The following TFR2 variants were observed in gnomAD, a reference collection of about 807,000 sequenced individuals.
TFR2 encodes transferrin receptor protein 2.
In TFR2, 64 loss-of-function variants were observed where a neutral mutation model predicts 91.9. That is an observed-to-expected ratio of 0.70 (90% CI 0.57 to 0.86). The LOEUF (loss-of-function observed/expected upper bound fraction) is 0.86. Ranked by LOEUF, TFR2 falls within the 40% of genes least tolerant of loss-of-function variation. TFR2 has a pLI of 0.00. For missense variants in TFR2, 950 were observed against 1,080.5 expected (o/e 0.88, Z 1.69); for synonymous variants, 454 against 459.6 (o/e 0.99, Z 0.15).
Position 100,631,913 on chromosome 7 carries a change from A to T in TFR2, c.999T>A (p.Pro333=). 1 of 1,614,074 alleles carries T rather than the reference A, an allele frequency of 6.2e-7. No individual in the cohort carries two copies. The highest frequency in any genetic ancestry group is 8.5e-7 in the Non-Finnish European group (1 of 1,180,000). ...GGGTTTGATTGAAGGAAGGGAAGCC[A>T]GGTGTGTAGGGGTCTCCAGTTCCCA... ...VHLGTGDPYT[P]GFPSFNQTQF... Residue 333 remains proline, a synonymous_variant, in exon 8 of 18, where the codon CCT becomes CCA. Coordinates refer to ENST00000223051, the MANE Select transcript of TFR2 (RefSeq NM_003227.4).
intron 10 of TFR2, 96 bp downstream of exon 10, chr7:100,629,157 C>T: frequency 7.3e-6 from 11 of 1,515,862 alleles, no homozygotes; most frequent in Non-Finnish European, 9.1e-6. Context: ...TGACCACTGG[C>T]CAGTCTGTGT....
Position 100,620,922 on chromosome 7 carries a change from A to G in TFR2, c.2341T>C (p.Trp781Arg). The G allele has an allele frequency of 6.8e-6, 11 of 1,614,166 alleles. No individual in the cohort carries two copies. Among genetic ancestry groups the G allele is most frequent in the Non-Finnish European group, 9.3e-6 (11 of 1,179,976 alleles). ...RFRRQLALLTWTLQGAANALS... is the reference protein window; with the variant it reads ...RFRRQLALLTRTLQGAANALS... Reference sequence around the variant, plus strand: ...GCATTGGCTGCCCCTTGCAGCGTCCAGGTGAGCAGGGCTAGCTGACGCCGG... The same window carrying G: ...GCATTGGCTGCCCCTTGCAGCGTCCGGGTGAGCAGGGCTAGCTGACGCCGG... The change falls in exon 18 of 18, where the codon TGG (tryptophan) becomes CGG (arginine). Residue 781 changes from tryptophan to arginine, a missense_variant. Transcript: ENST00000223051.
In TFR2 at chr7:100,640,956, G is replaced by C. The variant is rs2131327656; in HGVS notation, c.286+20C>G. ...CCCCAGCCCAAGCCCTTCACTTCTG[G>C]GGAGGGGGACGGCTCTCACCCCCAG... On this transcript the variant is annotated intron_variant, in intron 2 of 17. Transcript: ENST00000223051. 15 of 1,612,966 alleles carry C rather than the reference G, an allele frequency of 9.3e-6. No homozygotes were observed. The highest frequency in any genetic ancestry group is 8.9e-5 in the East Asian group (4 of 44,856).
chr7:100,626,389 C>A, intron 17 of TFR2: 1 of 915,622 alleles, frequency 1.1e-6, no homozygotes, highest in South Asian at 5.0e-5. Context: ...CAGCCTGTAA[C>A]CTCGTATTGT....
In TFR2 at chr7:100,626,819, T is replaced by C. The variant is rs1318374782; in HGVS notation, c.2080A>G (p.Ser694Gly). The C allele has an allele frequency of 1.3e-6, 2 of 1,549,522 alleles. 1 individual carries two copies. Among genetic ancestry groups the C allele is most frequent in the South Asian group, 2.4e-5 (2 of 84,058 alleles). ...AGTCGCTCGTCTCTCTCCTCCGAGC[T>C]GTAGATCTCCTGCCGCAGCTTTTCC... ...AAEKLRQEIY[S>G]SEERDERLTR... is the part of the protein sequence containing the mutation. Residue 694 changes from serine to glycine, a missense_variant, in exon 17 of 18, where the codon AGC (serine) becomes GGC (glycine). Coordinates refer to ENST00000223051, the MANE Select transcript of TFR2 (RefSeq NM_003227.4).
rs2131316917 is a variant in TFR2, at chr7:100,630,880, A to G, written c.1270+9T>C. On this transcript the variant is annotated intron_variant, in intron 9 of 17. Coordinates refer to ENST00000223051, the MANE Select transcript of TFR2 (RefSeq NM_003227.4). ...ACCAGCTGTGAGTGATACTGGACAC[A>G]CAGCATACCTGGCTCTGAGCGGCCT... The G allele has an allele frequency of 3.1e-6, 5 of 1,612,400 alleles. No homozygotes were observed. The highest frequency in any genetic ancestry group is 4.2e-6 in the Non-Finnish European group (5 of 1,179,800).
At chr7:100,632,223 C>G in intron 6 of TFR2, 25 bp from the exon 7 acceptor site, 1 of 1,607,230 alleles carries the variant, frequency 6.2e-7, no homozygotes, top group Non-Finnish European at 8.5e-7. Context: ...GACTAGAGGA[C>G]TCCTCCCAGA....
Position 100,631,815 on chromosome 7 carries a change from C to T in TFR2, c.1097G>A (p.Arg366His), listed in dbSNP as rs184812195. 4.9e-4 allele frequency: 797 copies of T among 1,612,312 alleles called. 7 individuals are homozygous for T. Among genetic ancestry groups the T allele is most frequent in the East Asian group, 4.0e-4 (18 of 44,782 alleles). ...AQPISADIAS[R>H]LLRKLKGPVA... The stretch of plus-strand genomic sequence containing the variant: ...CCAACACTCCCCTCACCTCAGCAGG[C>T]GGGAGGCAATGTCTGCACTGATGGG... The change falls in exon 8 of 18, where the codon CGC (arginine) becomes CAC (histidine). Residue 366 changes from arginine (R) to histidine (H), a missense_variant. Coordinates refer to ENST00000223051, the MANE Select transcript of TFR2 (RefSeq NM_003227.4).
chr7:100,631,517 TG>T, intron 8 of TFR2: 1 of 368,598 alleles, frequency 2.7e-6, no homozygotes. Flanking sequence ...CTAGATACTC[TG>T]GAGTCTGAGG....
chr7:100,627,477 G>A lies in TFR2; in HGVS notation c.1782C>T (p.Tyr594=). Reference sequence around the variant, plus strand: ...TGTCCTCCTTTGTGTGCAGGAATGGGTAGGCCTGGTCGTCCTGCCAGGACA... The same window carrying A: ...TGTCCTCCTTTGTGTGCAGGAATGGATAGGCCTGGTCGTCCTGCCAGGACA... ...EFSFMEDDQA[Y]PFLHTKEDTY... The change falls in exon 16 of 18, where the codon TAC becomes TAT. Residue 594 remains tyrosine (Y), a synonymous_variant. Coordinates refer to ENST00000223051, the MANE Select transcript of TFR2 (RefSeq NM_003227.4). 6.2e-7 allele frequency: 1 copy of A among 1,609,254 alleles called. No homozygotes were observed. The highest frequency in any genetic ancestry group is 8.5e-7 in the Non-Finnish European group (1 of 1,177,850).
intron 17 of TFR2, among the ~76,000 whole-genome samples, chr7:100,625,174 C>T (rs1803223034): frequency 6.6e-6 from 1 of 151,288 alleles, no homozygotes; most frequent in African/African-American, 2.4e-5. Context: ...ATTCTCCTGC[C>T]TCAGCCTCCT....
At position 100,633,440 on chromosome 7, in the gene TFR2, T is replaced by C. The variant is rs187119131; in HGVS notation, c.590A>G (p.Tyr197Cys). ...KLDHVWTDTH[Y>C]VGLQFPDPAH... ...CGGATCCGGGAATTGCAGCCCCACG[T>C]AGTGCGTGTCGGTCCACACGTGGTC... Residue 197 changes from tyrosine to cysteine, a missense_variant, in exon 4 of 18, where the codon TAC (tyrosine) becomes TGC (cysteine). Tyr to Cys is a radical substitution (Grantham distance 194, BLOSUM62 -2). Transcript: ENST00000223051. The C allele has an allele frequency of 8.6e-5, 139 of 1,612,554 alleles. 1 individual carries two copies. The East Asian group carries it at 2.9e-3, about 34-fold the overall frequency.
At chr7:100,635,899 C>G (rs192514216) in intron 3 of TFR2, among the ~76,000 whole-genome samples, 85 of 152,234 alleles carry the variant, frequency 5.6e-4, no homozygotes, top group African/African-American at 2.0e-3. Flanking sequence ...CACTGAGCCT[C>G]ACATCCTTTG....
At chr7:100,637,690 G>C (rs1803601118) in intron 3 of TFR2, among the ~76,000 whole-genome samples, 1 of 152,074 alleles carries the variant, frequency 6.6e-6, no homozygotes, top group Non-Finnish European at 1.5e-5. Flanking sequence ...GCCCCTCCCT[G>C]TAGACCCAGC....
rs140150109 is a variant in TFR2, at chr7:100,633,033, C to T, written c.817G>A (p.Val273Met). The change falls in exon 6 of 18, where the codon GTG (valine) becomes ATG (methionine). Residue 273 changes from valine to methionine, a missense_variant. Val to Met is a conservative substitution (Grantham distance 21). Transcript: ENST00000223051. ...GVDPVGRLLL[V>M]RVGVISFAQK... is the part of the protein sequence containing the mutation. Reference sequence around the variant, plus strand: ...GCGAAGCTGATCACCCCCACGCGCACCAGCAGCAGGCGGCCCACTGGATCC... The same window carrying T: ...GCGAAGCTGATCACCCCCACGCGCATCAGCAGCAGGCGGCCCACTGGATCC... 6.9e-5 allele frequency: 111 copies of T among 1,613,808 alleles called. No homozygotes were observed. The African/African-American group carries it at 1.3e-3, about 19-fold the overall frequency.
intron 10 of TFR2, among the ~76,000 whole-genome samples, 194 bp downstream of exon 10, chr7:100,629,059 G>A (rs148567469): frequency 4.9e-4 from 75 of 152,248 alleles, no homozygotes; most frequent in South Asian, 1.0e-3. Flanking sequence ...TACCGCACCC[G>A]GCCTCACTTT....
chr7:100,640,811 C>T lies in TFR2; in HGVS notation c.348G>A (p.Leu116=). 2 of 1,614,192 alleles carry T rather than the reference C, an allele frequency of 1.2e-6. No individual in the cohort carries two copies. Among genetic ancestry groups the T allele is most frequent in the South Asian group, 2.2e-5 (2 of 91,088 alleles). The change falls in exon 3 of 18, where the codon TTG becomes TTA. Residue 116 remains leucine (L), a synonymous_variant. Coordinates refer to ENST00000223051, the MANE Select transcript of TFR2 (RefSeq NM_003227.4). ...GSCQACGDSV[L]VVSEDVNYEP... ...CATAGTTGACATCCTCACTGACCAC[C>T]AACACAGAGTCTCCGCACGCCTGGC...
chr7:100,641,256 G>A (rs1327676674), intron 1 of TFR2, 28 bp from the exon 2 acceptor site: 1 of 1,534,922 alleles, frequency 6.5e-7, no homozygotes, highest in Non-Finnish European at 8.8e-7. Context: ...GCATGAGATT[G>A]GGGCAAGAGG....
intron 17 of TFR2, among the ~76,000 whole-genome samples, chr7:100,621,684 C>T (rs1184969047): frequency 6.6e-6 from 1 of 152,172 alleles, no homozygotes; most frequent in Non-Finnish European, 1.5e-5. Flanking sequence ...TAACACCACA[C>T]CTCCCCACAC....
Sources: gnomAD v4.1 joint callset for allele counts (sites outside exome capture counted in the v4.1 genomes callset) on GRCh38, gnomAD v4.1.1 for gene constraint, MANE v1.5 for transcripts, NCBI Gene and HGNC (gene_info 2026-07-23, HGNC 2026-07-21) for gene names.